Variants in DYRK4 observed in about 807,000 individuals in gnomAD.
DYRK4 encodes dual specificity tyrosine-phosphorylation-regulated kinase 4.
In DYRK4, 64 loss-of-function variants were observed where a neutral mutation model predicts 68.3. The observed-to-expected ratio is 0.94, with a 90% CI of 0.77 to 1.15. DYRK4 has a LOEUF of 1.15. Among genes scored for constraint, DYRK4 ranks in the 50% most tolerant of loss-of-function variants. The pLI, the probability that DYRK4 is intolerant of heterozygous loss-of-function variation, is 0.00. For missense variants in DYRK4, 740 were observed against 764.7 expected, an observed-to-expected ratio of 0.97 and a Z score of 0.38; for synonymous variants, 274 against 289.9, an observed-to-expected ratio of 0.95 and a Z score of 0.56.
chr12:4,602,421 G>A, intron 10 of DYRK4: 4 of 989,710 alleles, frequency 4.0e-6, no homozygotes, highest in Non-Finnish European at 6.5e-6. Context: ...TGAGGTCACT[G>A]ATGAGATATG....
chr12:4,610,994 G>C (rs1426923256), intron 13 of DYRK4, among the ~76,000 whole-genome samples: 1 of 152,098 alleles, frequency 6.6e-6, no homozygotes, highest in African/African-American at 2.4e-5. Context: ...TGTGATACTT[G>C]GCAAGTCATC....
At chr12:4,583,589 T>A (rs2137347564) in intron 2 of DYRK4, among the ~76,000 whole-genome samples, 1 of 152,220 alleles carries the variant, frequency 6.6e-6, no homozygotes, top group East Asian at 1.9e-4. Flanking sequence ...GAGACAGGGT[T>A]TCACCATGTT....
At chr12:4,595,491 T>C (rs1393720564) in intron 6 of DYRK4, among the ~76,000 whole-genome samples, 1 of 152,222 alleles carries the variant, frequency 6.6e-6, no homozygotes, top group East Asian at 1.9e-4. Context: ...ATTAACCCCC[T>C]GCTCCCTAGT....
chr12:4,587,274 C>G (rs1944906957), intron 2 of DYRK4, among the ~76,000 whole-genome samples: 13 of 152,120 alleles, frequency 8.5e-5, no homozygotes. Context: ...TTTCACTGAG[C>G]AAGCATGCTC....
At chr12:4,577,902 T>C (rs188417493) in intron 2 of DYRK4, among the ~76,000 whole-genome samples, 4 of 152,366 alleles carry the variant, frequency 2.6e-5, no homozygotes, top group Non-Finnish European at 5.9e-5. Context: ...ATGTAAATGG[T>C]ATTGCACTTT....
chr12:4,602,877 T>C, intron 10 of DYRK4: 1 of 1,035,788 alleles, frequency 9.7e-7, no homozygotes, highest in Non-Finnish European at 1.5e-6. Context: ...TTCCCAAATA[T>C]ATTTCTTTCA....
chr12:4,596,868 A>G, intron 8 of DYRK4, 139 bp downstream of exon 8: 1 of 1,504,118 alleles, frequency 6.6e-7, no homozygotes, highest in Non-Finnish European at 8.8e-7. Flanking sequence ...AGTTATCCAG[A>G]ATGCCCAGGA....
chr12:4,592,866 T>C, intron 5 of DYRK4, 136 bp from the exon 6 acceptor site: 1 of 914,500 alleles, frequency 1.1e-6, no homozygotes, highest in Non-Finnish European at 1.7e-6. Flanking sequence ...AGATGCCAGA[T>C]GCAGGGTCCT....
intron 14 of DYRK4, 59 bp downstream of exon 14, chr12:4,612,777 T>G: frequency 6.4e-7 from 1 of 1,563,074 alleles, no homozygotes; most frequent in Non-Finnish European, 8.8e-7. Flanking sequence ...TATTCTAGAA[T>G]TCTGTAAATC....
intron 2 of DYRK4, among the ~76,000 whole-genome samples, chr12:4,573,755 T>C (rs1260753743): frequency 1.3e-5 from 2 of 152,228 alleles, no homozygotes; most frequent in African/African-American, 2.4e-5. Flanking sequence ...GAAGTCATTC[T>C]GGGAATAAAA....
At chr12:4,581,515 G>T (rs541685255) in intron 2 of DYRK4, among the ~76,000 whole-genome samples, 19 of 152,282 alleles carry the variant, frequency 1.2e-4, no homozygotes, top group African/African-American at 4.1e-4. Flanking sequence ...GTGTGAATTC[G>T]CTGATTAGAG....
chr12:4,567,134 T>G (rs1944685165), intron 1 of DYRK4, among the ~76,000 whole-genome samples: 1 of 152,252 alleles, frequency 6.6e-6, no homozygotes, highest in Non-Finnish European at 1.5e-5. Context: ...AATGTTAGCA[T>G]GACTTTTCTT....
intron 11 of DYRK4, 137 bp from the exon 12 acceptor site, chr12:4,607,190 T>A (rs1262503078): frequency 1.1e-5 from 10 of 912,504 alleles, no homozygotes; most frequent in Admixed American, 4.3e-5. Context: ...TTTGCTCTGC[T>A]ACTGACCAGA....
At position 4,593,060 on chromosome 12, in the gene DYRK4, C is replaced by A. The variant is rs777689803; in HGVS notation, c.522C>A (p.Gly174=). 1 of 1,614,182 alleles carries A rather than the reference C, an allele frequency of 6.2e-7. No individual in the cohort carries two copies. Among genetic ancestry groups the A allele is most frequent in the Admixed American group, 1.7e-5 (1 of 60,010 alleles). ...LSPYEQSEIL[G]YAELWFLGLE... is the part of the protein sequence containing the mutation. ...CATATGAACAAAGTGAAATCCTGGG[C>A]TACGCGGAGCTGTGGTTCCTGGGTC... Residue 174 remains glycine (G), a synonymous_variant, in exon 6 of 15, where the codon GGC becomes GGA. Coordinates refer to ENST00000543431, the MANE Select transcript of DYRK4 (RefSeq NM_001394779.1).
intron 2 of DYRK4, chr12:4,581,034 T>C (rs952115100): frequency 5.6e-6 from 2 of 356,054 alleles, no homozygotes; most frequent in Non-Finnish European, 1.1e-5. Flanking sequence ...CTTCTAGAGT[T>C]CTGCTCTAAC....
At chr12:4,573,348 A>G (rs1161556465) in intron 2 of DYRK4, 1 of 1,289,600 alleles carries the variant, frequency 7.8e-7, no homozygotes, top group Non-Finnish European at 1.0e-6. Flanking sequence ...TCTTTCTGAG[A>G]TCTACATGGT....
rs1591778874 is a variant in DYRK4 at position 4,562,277 on chromosome 12, G to C, written c.32G>C (p.Gly11Ala). The change falls in exon 1 of 15, where the codon GGA becomes GCA. Residue 11 changes from glycine to alanine, a missense_variant. Physicochemically the swap from Gly to Ala is moderately conservative, Grantham distance 60. Around this residue, in one of 3 missense-constraint regions of DYRK4, gnomAD observed 70 missense variants for 71.1 expected, o/e 0.98. Transcript: ENST00000543431. MQLLPPPIRT[G>A]TKTQMDAKKP... is the part of the protein sequence containing the mutation. ...CTCCTCCCGCCGCCTATCCGCACCG[G>C]AACAAAGTAAGGGCCGCGGAGGCTC... 2.0e-6 allele frequency: 3 copies of C among 1,532,472 alleles called. No individual in the cohort carries two copies. The highest frequency in any genetic ancestry group is 3.3e-4 in the Middle Eastern group (2 of 5,982). The allele number at this position is 1,532,472 out of a possible 1,614,324, so 94.9% of individuals were successfully genotyped here. A position where few individuals can be genotyped will look rare whatever the true frequency, so the allele number is the denominator to read the frequency against.
At chr12:4,572,437 A>G (rs149391901) in intron 2 of DYRK4, among the ~76,000 whole-genome samples, 64,760 of 151,732 alleles carry the variant, frequency 0.43, 14,198 homozygotes, top group Middle Eastern at 0.49. Context: ...GCCCGCCACC[A>G]CACCTGGCTA....
At chr12:4,596,338 C>T in intron 7 of DYRK4, 53 bp downstream of exon 7, 3 of 1,608,062 alleles carry the variant, frequency 1.9e-6, no homozygotes, top group Non-Finnish European at 2.5e-6. Context: ...TGACTGTGGC[C>T]CCTGCAGAAT....
Sources: allele counts gnomAD v4.1 joint callset (sites outside exome capture counted in the v4.1 genomes callset), GRCh38; gene constraint gnomAD v4.1.1; regional missense constraint gnomAD v4.1.1; transcripts MANE v1.5; gene names NCBI Gene and HGNC (gene_info 2026-07-23, HGNC 2026-07-21).